Variants in TMEM267 observed in about 807,000 individuals in gnomAD.
TMEM267 encodes transmembrane protein 267, also known as transmembrane protein C5orf28.
TMEM267 carries 20 observed loss-of-function variants against 19.3 expected under a neutral mutation model. That is an observed-to-expected ratio of 1.04 (90% CI 0.73 to 1.51). The LOEUF (loss-of-function observed/expected upper bound fraction) is 1.51, where lower values mean the gene tolerates loss of function less well. Among genes scored for constraint, TMEM267 ranks in the 40% most tolerant of loss-of-function variants. The probability of loss-of-function intolerance (pLI) is 0.00; values close to 1 mark genes in which losing one functional copy is unlikely to be tolerated. For synonymous variants in TMEM267, 88 were observed against 90.3 expected, an observed-to-expected ratio of 0.97 and a Z score of 0.15; for missense variants, 242 against 261.9, an observed-to-expected ratio of 0.92 and a Z score of 0.52.
chr5:43,470,374 C>T (rs1415155972), intron 1 of TMEM267, among the ~76,000 whole-genome samples: 2 of 152,186 alleles, frequency 1.3e-5, no homozygotes, highest in East Asian at 1.9e-4. Flanking sequence ...AACTCCTGAT[C>T]TCAAGTGATC....
chr5:43,470,924 G>C (rs748772590), intron 1 of TMEM267, among the ~76,000 whole-genome samples: 31 of 151,274 alleles, frequency 2.0e-4, no homozygotes, highest in Non-Finnish European at 4.0e-4. Context: ...TAGAAGAAAA[G>C]AAATAATAAA....
At chr5:43,454,078 A>T in intron 1 of TMEM267, 35 bp from the exon 2 acceptor site, 1 of 1,365,746 alleles carries the variant, frequency 7.3e-7, no homozygotes, top group Admixed American at 2.6e-5. Context: ...ATGAATGAAG[A>T]TTATGGACTA....
At chr5:43,458,307 GC>G (rs558753583) in intron 1 of TMEM267, among the ~76,000 whole-genome samples, 3 of 152,090 alleles carry the variant, frequency 2.0e-5, no homozygotes, top group Non-Finnish European at 4.4e-5. Context: ...TCACCATGTT[GC>G]CCAGGCTGGT....
intron 1 of TMEM267, among the ~76,000 whole-genome samples, chr5:43,466,917 G>C (rs1411574551): frequency 6.6e-6 from 1 of 152,102 alleles, no homozygotes; most frequent in Admixed American, 6.5e-5. Context: ...GGGAAAGCAA[G>C]GTGAGTCGAT....
chr5:43,465,384 C>A (rs1474949339), intron 1 of TMEM267, among the ~76,000 whole-genome samples: 4 of 152,184 alleles, frequency 2.6e-5, no homozygotes, highest in Non-Finnish European at 5.9e-5. Flanking sequence ...ACTAGTTCAA[C>A]CATTGTGGAA....
At chr5:43,473,139 C>CAAAAAAAAAAA (rs71610311) in intron 1 of TMEM267, among the ~76,000 whole-genome samples, 21 of 84,420 alleles carry the variant, frequency 2.5e-4, no homozygotes, top group Non-Finnish European at 3.0e-4. Context: ...CTCCGTGTCA[C>CAAAAAAAAAAA]AAAAAAAAAA....
intron 2 of TMEM267, among the ~76,000 whole-genome samples, chr5:43,449,431 T>G (rs1742450074): frequency 6.6e-6 from 1 of 151,674 alleles, no homozygotes; most frequent in African/African-American, 2.4e-5. Flanking sequence ...AACAAAGAAA[T>G]AGAATGGAAC....
chr5:43,471,761 C>A (rs1406111692), intron 1 of TMEM267, among the ~76,000 whole-genome samples: 1 of 152,066 alleles, frequency 6.6e-6, no homozygotes, highest in South Asian at 2.1e-4. Flanking sequence ...TGAAAGTAGA[C>A]CCCTATCTCA....
At position 43,483,830 on chromosome 5, in the gene TMEM267, C is replaced by G. The variant is rs1744963086; in HGVS notation, c.-83G>C. ...GGCTCAGCCATACCCACCCCGGCTT[C>G]TCTGAGTTCAATCCAGCAGCAGCTC... On this transcript the variant is annotated 5_prime_UTR_variant, in exon 1 of 3. Coordinates refer to ENST00000397080, the MANE Select transcript of TMEM267 (RefSeq NM_022483.5). The G allele has an allele frequency of 6.6e-6, 1 of 152,442 alleles. No homozygotes were observed. Among genetic ancestry groups the G allele is most frequent in the African/African-American group, 2.4e-5 (1 of 41,470 alleles). The allele number at this position is 152,442 out of a possible 1,614,324, so 9.4% of individuals were successfully genotyped here. A position where few individuals can be genotyped will look rare whatever the true frequency, so the allele number is the denominator to read the frequency against.
intron 1 of TMEM267, among the ~76,000 whole-genome samples, chr5:43,481,170 T>C (rs1744743791): frequency 6.8e-6 from 1 of 146,682 alleles, no homozygotes; most frequent in South Asian, 2.1e-4. Flanking sequence ...AGTGGCACGA[T>C]CATAGCTCAC....
At chr5:43,482,749 C>G (rs1399172555) in intron 1 of TMEM267, among the ~76,000 whole-genome samples, 1 of 152,202 alleles carries the variant, frequency 6.6e-6, no homozygotes, top group South Asian at 2.1e-4. Flanking sequence ...CACCCCATCC[C>G]CCTTATAGCA....
At chr5:43,478,522 C>T (rs964985662) in intron 1 of TMEM267, among the ~76,000 whole-genome samples, 1 of 152,040 alleles carries the variant, frequency 6.6e-6, no homozygotes, top group South Asian at 2.1e-4. Context: ...AAGCTTTTAG[C>T]TAGAAGAGCT....
intron 2 of TMEM267, among the ~76,000 whole-genome samples, chr5:43,451,509 C>T (rs1742586041): frequency 1.3e-5 from 2 of 152,100 alleles, no homozygotes; most frequent in Admixed American, 6.6e-5. Context: ...TGCTCCATAT[C>T]ACTAATAATC....
intron 1 of TMEM267, among the ~76,000 whole-genome samples, chr5:43,466,163 T>C (rs547111147): frequency 6.6e-6 from 1 of 152,186 alleles, no homozygotes; most frequent in Admixed American, 6.5e-5. Context: ...GAACACCAAG[T>C]ACATTTAACC....
In TMEM267 at chr5:43,464,397, T is replaced by C. The variant is rs192712211; in HGVS notation, c.-74-10354A>G. ...CATACTGCCCAAGGTAATTTATAGATTCAATGCCATCCCTATCAAGTTACC... is the reference window on the plus strand; with the variant it reads ...CATACTGCCCAAGGTAATTTATAGACTCAATGCCATCCCTATCAAGTTACC... On this transcript the variant is annotated intron_variant, in intron 1 of 2. Coordinates refer to ENST00000397080, the MANE Select transcript of TMEM267 (RefSeq NM_022483.5). Among the ~76,000 whole-genome samples the C allele has an allele frequency of 4.0e-3, 610 of 152,286 alleles. 20 individuals carry two copies. The East Asian group carries it at 0.047, about 12-fold the overall frequency.
chr5:43,462,666 T>C (rs10473311), intron 1 of TMEM267, among the ~76,000 whole-genome samples: 85,504 of 151,842 alleles, frequency 0.56, 25,959 homozygotes, highest in African/African-American at 0.77. Context: ...ACCACAGTCA[T>C]TTAATAACAA....
In TMEM267 at chr5:43,453,737, C is replaced by G; in HGVS notation, c.233G>C (p.Gly78Ala). 1.2e-6 allele frequency: 2 copies of G among 1,614,044 alleles called. No individual in the cohort carries two copies. The highest frequency in any genetic ancestry group is 1.7e-6 in the Non-Finnish European group (2 of 1,179,928). The change falls in exon 2 of 3, where the codon GGA (glycine) becomes GCA (alanine). Residue 78 changes from glycine to alanine, a missense_variant. Coordinates refer to ENST00000397080, the MANE Select transcript of TMEM267 (RefSeq NM_022483.5). The stretch of plus-strand genomic sequence containing the variant: ...TAAAAATCCAGCTAAAATGATTTCT[C>G]CAAAGTCAGTCTTCTTCTTGATTCC... Reference protein sequence around the residue: ...VTGIKKKTDFGEIILAGFLAS... With the variant: ...VTGIKKKTDFAEIILAGFLAS...
At chr5:43,476,490 C>T (rs1271189061) in intron 1 of TMEM267, among the ~76,000 whole-genome samples, 1 of 126,332 alleles carries the variant, frequency 7.9e-6, no homozygotes, top group Non-Finnish European at 1.6e-5. Flanking sequence ...TGGATCCTAA[C>T]TGATACAAAA....
chr5:43,461,285 C>A (rs1383409105), intron 1 of TMEM267, among the ~76,000 whole-genome samples: 1 of 152,186 alleles, frequency 6.6e-6, no homozygotes, highest in Non-Finnish European at 1.5e-5. Context: ...AGCAGTGATA[C>A]ACAGGTACTA....
Sources: allele counts gnomAD v4.1 joint callset (sites outside exome capture counted in the v4.1 genomes callset), GRCh38; gene constraint gnomAD v4.1.1; transcripts MANE v1.5; gene names NCBI Gene and HGNC (gene_info 2026-07-23, HGNC 2026-07-21).